GRHL2: variants seen among roughly 807,000 people sequenced by gnomAD.
GRHL2 encodes grainyhead-like protein 2 homolog.
GRHL2 carries 21 observed loss-of-function variants against 83.8 expected under a neutral mutation model. The observed-to-expected ratio is 0.25, with a 90% confidence interval of 0.18 to 0.36. The LOEUF (loss-of-function observed/expected upper bound fraction) is 0.36, where lower values mean the gene tolerates loss of function less well. Among genes scored for constraint, GRHL2 ranks in the 10% least tolerant of loss-of-function variants. The pLI is 1.00. For missense variants in GRHL2, 623 were observed against 781.8 expected, an observed-to-expected ratio of 0.80 and a Z score of 2.42; for synonymous variants, 280 against 278.9, an observed-to-expected ratio of 1.00 and a Z score of -0.04.
intron 8 of GRHL2, among the ~76,000 whole-genome samples, chr8:101,615,799 T>C (rs1812843183): frequency 6.6e-6 from 1 of 152,194 alleles, no homozygotes; most frequent in Non-Finnish European, 1.5e-5. Flanking sequence ...GCAGGAACCA[T>C]AACCAGTGCA....
At chr8:101,616,274 G>A (rs1331146043) in intron 8 of GRHL2, among the ~76,000 whole-genome samples, 1 of 151,802 alleles carries the variant, frequency 6.6e-6, no homozygotes, top group Non-Finnish European at 1.5e-5. Flanking sequence ...AGGTTCAAGA[G>A]ATTCTCCTGC....
At chr8:101,559,881 T>A (rs1013755987) in intron 4 of GRHL2, among the ~76,000 whole-genome samples, 1 of 152,234 alleles carries the variant, frequency 6.6e-6, no homozygotes, top group Non-Finnish European at 1.5e-5. Context: ...TGGATCTGCC[T>A]ACTGTCACTA....
Position 101,611,251 on chromosome 8 carries a change from G to A in GRHL2, c.1099-8288G>A, listed in dbSNP as rs917209707. 5.3e-5 allele frequency among the ~76,000 whole-genome samples: 8 copies of A among 151,076 alleles called. 1 individual carries two copies. The highest frequency in any genetic ancestry group is 2.9e-5 in the Non-Finnish European group (2 of 68,018). ...TAAAGACTCCTTAAACAAAAATGGA[G>A]TTAGTTATGTTAGTTCTTTTGCTTT... On this transcript the variant is annotated intron_variant, in intron 8 of 15. Transcript: ENST00000646743.
rs952842821 is a variant in GRHL2 at position 101,573,904 on chromosome 8, T to C, written c.891+80T>C. The C allele has an allele frequency of 1.6e-5, 24 of 1,501,676 alleles. No homozygotes were observed. The African/African-American group carries it at 2.6e-4, about 16-fold the overall frequency. 93.0% of individuals were successfully genotyped at this position (1,501,676 alleles called of 1,614,324 possible). On this transcript the variant is annotated intron_variant, in intron 6 of 15. Transcript: ENST00000646743. ...TACCTCACAGCCTTGTGGAATGGCATGGAAAAAAAATAAAACCTTCAACAT... is the reference window on the plus strand; with the variant it reads ...TACCTCACAGCCTTGTGGAATGGCACGGAAAAAAAATAAAACCTTCAACAT...
intron 8 of GRHL2, among the ~76,000 whole-genome samples, chr8:101,610,591 A>G (rs180791547): frequency 2.7e-5 from 4 of 150,790 alleles, no homozygotes; most frequent in Admixed American, 2.6e-4. Flanking sequence ...TTTTCATGAC[A>G]CTCTACCGTT....
chr8:101,675,033 C>A, the GRHL2 span, among the ~76,000 whole-genome samples: 50,966 of 151,872 alleles, frequency 0.34, 8,916 homozygotes, highest in East Asian at 0.42. Flanking sequence ...AACTCTCAAT[C>A]AATTAGCTAT....
chr8:101,610,280 A>G (rs1812721687), intron 8 of GRHL2, among the ~76,000 whole-genome samples: 2 of 151,048 alleles, frequency 1.3e-5, no homozygotes, highest in African/African-American at 4.9e-5. Flanking sequence ...AATGCAAATC[A>G]TAACTAATCT....
intron 8 of GRHL2, among the ~76,000 whole-genome samples, chr8:101,616,799 A>G (rs1300275020): frequency 6.6e-6 from 1 of 152,092 alleles, no homozygotes; most frequent in Non-Finnish European, 1.5e-5. Context: ...TCTATCCCCT[A>G]TATCTAATGT....
intron 14 of GRHL2, among the ~76,000 whole-genome samples, chr8:101,651,005 A>G (rs897231480): frequency 2.6e-5 from 4 of 152,170 alleles, no homozygotes; most frequent in Admixed American, 1.3e-4. Flanking sequence ...GGATTTTTCC[A>G]TAGTATGGAG....
At chr8:101,645,544 C>T (rs984922052) in intron 13 of GRHL2, among the ~76,000 whole-genome samples, 1 of 152,118 alleles carries the variant, frequency 6.6e-6, no homozygotes, top group Non-Finnish European at 1.5e-5. Context: ...CGTCTGTAGC[C>T]TGCCACAGCC....
At chr8:101,548,072 G>A (rs1427552251) in intron 2 of GRHL2, among the ~76,000 whole-genome samples, 2 of 152,192 alleles carry the variant, frequency 1.3e-5, no homozygotes, top group Non-Finnish European at 2.9e-5. Context: ...TGGTCAGTTG[G>A]TTTCTATCTG....
chr8:101,599,596 G>T (rs915732477), intron 8 of GRHL2, among the ~76,000 whole-genome samples: 1 of 152,236 alleles, frequency 6.6e-6, no homozygotes, highest in Non-Finnish European at 1.5e-5. Context: ...GAAGCAGGCT[G>T]CAGGTCCCTG....
chr8:101,653,818 G>A (rs1171034013), intron 14 of GRHL2, among the ~76,000 whole-genome samples: 13 of 152,102 alleles, frequency 8.5e-5, no homozygotes, highest in African/African-American at 3.1e-4. Context: ...TATAGGGGTA[G>A]GCCCGGGAAT....
At chr8:101,679,355 C>T in the GRHL2 span, among the ~76,000 whole-genome samples, 42 of 149,384 alleles carry the variant, frequency 2.8e-4, no homozygotes, top group Admixed American at 6.6e-4. Context: ...TGAAATGAAG[C>T]GAGAAGGGAA....
intron 1 of GRHL2, among the ~76,000 whole-genome samples, chr8:101,540,742 A>G (rs1288507558): frequency 6.6e-6 from 1 of 152,126 alleles, no homozygotes; most frequent in African/African-American, 2.4e-5. Flanking sequence ...ACCATCTACC[A>G]TTAGGAGATC....
At chr8:101,551,724 A>G (rs565754605) in intron 2 of GRHL2, among the ~76,000 whole-genome samples, 2 of 150,236 alleles carry the variant, frequency 1.3e-5, no homozygotes, top group Non-Finnish European at 3.0e-5. Context: ...ATGGCAGAGT[A>G]AAGTATCTAG....
chr8:101,560,030 G>T (rs2130182639), intron 4 of GRHL2, among the ~76,000 whole-genome samples: 1 of 152,248 alleles, frequency 6.6e-6, no homozygotes, highest in Middle Eastern at 3.4e-3. Flanking sequence ...TTTTGAGGTG[G>T]AGTCTCACTG....
chr8:101,641,278 G>A (rs1027019851), intron 12 of GRHL2, among the ~76,000 whole-genome samples: 2 of 152,122 alleles, frequency 1.3e-5, no homozygotes, highest in African/African-American at 4.8e-5. Context: ...AAGACTTTGT[G>A]CAGATTTGAA....
intron 1 of GRHL2, among the ~76,000 whole-genome samples, chr8:101,531,007 G>C (rs1368486382): frequency 6.6e-6 from 1 of 152,110 alleles, no homozygotes; most frequent in African/African-American, 2.4e-5. Flanking sequence ...GAAGCAGGTG[G>C]ATCACTTGAG....
Sources: allele counts gnomAD v4.1 joint callset (sites outside exome capture counted in the v4.1 genomes callset), GRCh38; gene constraint gnomAD v4.1.1; transcripts MANE v1.5; gene names NCBI Gene and HGNC (gene_info 2026-07-23, HGNC 2026-07-21).